Variants in CLMN observed in about 807,000 individuals in gnomAD.
The protein encoded by CLMN is calmin (calponin-like, transmembrane).
A neutral mutation model predicts 92.7 loss-of-function variants in CLMN; 57 were observed. That is an observed-to-expected ratio of 0.61 (90% CI 0.50 to 0.77). CLMN has a LOEUF of 0.77. Among genes scored for constraint, CLMN ranks in the 30% least tolerant of loss-of-function variants. The probability of loss-of-function intolerance (pLI) is 0.00; values close to 1 mark genes in which losing one functional copy is unlikely to be tolerated. For synonymous variants in CLMN, 466 were observed against 470.6 expected (o/e 0.99, Z 0.13); for missense variants, 1,158 against 1,237.5 (o/e 0.94, Z 0.96).
chr14:95,304,478 G>A (rs1389572069), intron 1 of CLMN, among the ~76,000 whole-genome samples: 8 of 152,132 alleles, frequency 5.3e-5, no homozygotes, highest in Non-Finnish European at 4.4e-5. Flanking sequence ...GGGTTAAAGT[G>A]CAGGGATGCA....
At chr14:95,269,501 A>G (rs1899621218) in intron 1 of CLMN, among the ~76,000 whole-genome samples, 1 of 152,238 alleles carries the variant, frequency 6.6e-6, no homozygotes, top group South Asian at 2.1e-4. Context: ...AGTCACAGCT[A>G]AAAGGGCTTT....
intron 1 of CLMN, among the ~76,000 whole-genome samples, chr14:95,299,988 A>G (rs903254679): frequency 1.3e-5 from 2 of 152,224 alleles, no homozygotes; most frequent in African/African-American, 4.8e-5. Context: ...TGACCTCATC[A>G]TTGTTTTTCT....
At chr14:95,318,524 T>C (rs1446440694) in intron 1 of CLMN, among the ~76,000 whole-genome samples, 1 of 152,028 alleles carries the variant, frequency 6.6e-6, no homozygotes, top group Non-Finnish European at 1.5e-5. Flanking sequence ...GGTGTAATGT[T>C]TAAACTTGAC....
intron 1 of CLMN, 58 bp from the exon 2 acceptor site, chr14:95,230,191 C>T: frequency 6.7e-7 from 1 of 1,484,318 alleles, no homozygotes. Flanking sequence ...AAAATCACAC[C>T]TTCCCCTTCC....
At position 95,191,685 on chromosome 14, in the gene CLMN, G is replaced by A. The variant is rs10149705; in HGVS notation, c.2888C>T (p.Pro963Leu). Residue 963 changes from proline to leucine, a missense_variant, in exon 13 of 13, where the codon CCG becomes CTG. Physicochemically the swap from Pro to Leu is moderately conservative, Grantham distance 98 (BLOSUM62 -3). Coordinates refer to ENST00000298912, the MANE Select transcript of CLMN (RefSeq NM_024734.4). The surrounding 1 kb of genome is among the most constrained non-coding windows in gnomAD (Gnocchi z 5.3). ...GEAMSLGSHSPQSDSLTQLVQ... is the reference protein window; with the variant it reads ...GEAMSLGSHSLQSDSLTQLVQ... Reference sequence around the variant, plus strand: ...AAGCTGTGTCAGGGAGTCACTCTGCGGGCTGTGGCTCCCCAGTGACATGGC... The same window carrying A: ...AAGCTGTGTCAGGGAGTCACTCTGCAGGCTGTGGCTCCCCAGTGACATGGC... 2,890 of 1,612,860 alleles carry A rather than the reference G, an allele frequency of 1.8e-3. 45 individuals carry two copies. The African/African-American group carries it at 0.034, about 19-fold the overall frequency.
At chr14:95,272,240 G>A (rs1053560713) in intron 1 of CLMN, among the ~76,000 whole-genome samples, 2 of 152,196 alleles carry the variant, frequency 1.3e-5, no homozygotes, top group African/African-American at 2.4e-5. Context: ...ACACTGAGCC[G>A]GAGGAGGAGC....
chr14:95,284,673 A>C (rs2140746969), intron 1 of CLMN, among the ~76,000 whole-genome samples: 1 of 151,878 alleles, frequency 6.6e-6, no homozygotes, highest in South Asian at 2.1e-4. Context: ...AGGCCCTGTA[A>C]CCCCTTTTTT....
intron 1 of CLMN, among the ~76,000 whole-genome samples, chr14:95,263,276 TA>T (rs1322794904): frequency 2.6e-5 from 4 of 152,158 alleles, no homozygotes; most frequent in Non-Finnish European, 5.9e-5. Flanking sequence ...AGACCCCTTA[TA>T]AAACCATCAG....
At chr14:95,317,326 T>C (rs1385888060) in intron 1 of CLMN, among the ~76,000 whole-genome samples, 2 of 152,142 alleles carry the variant, frequency 1.3e-5, no homozygotes, top group Non-Finnish European at 2.9e-5. Context: ...AGAAGACAGA[T>C]GCCTGCCCCC....
At chr14:95,279,988 T>C (rs1034437842) in intron 1 of CLMN, among the ~76,000 whole-genome samples, 5 of 151,522 alleles carry the variant, frequency 3.3e-5, no homozygotes, top group African/African-American at 1.2e-4. Flanking sequence ...TTTTTTTGCC[T>C]AGTATAAAGG....
chr14:95,186,421 C>T lies in CLMN; in HGVS notation c.*5143G>A, dbSNP rs1229831341. 6.6e-6 allele frequency: 1 copy of T among 152,192 alleles called. No homozygotes were observed. Among genetic ancestry groups the T allele is most frequent in the African/African-American group, 2.4e-5 (1 of 41,440 alleles). 9.4% of individuals were successfully genotyped at this position (152,192 alleles called of 1,614,324 possible). A position where few individuals can be genotyped will look rare whatever the true frequency, so the allele number is the denominator to read the frequency against. On this transcript the variant is annotated 3_prime_UTR_variant, in exon 13 of 13. Coordinates refer to ENST00000298912, the MANE Select transcript of CLMN (RefSeq NM_024734.4). ...CTTCTGAGCCTTGGTGGGAGAACAT[C>T]TCCCCACAAAGGTCAGGTCTGACCA...
At chr14:95,207,903 C>T (rs968620263) in intron 8 of CLMN, among the ~76,000 whole-genome samples, 2 of 152,210 alleles carry the variant, frequency 1.3e-5, no homozygotes, top group African/African-American at 4.8e-5. Context: ...AAACAAGAGC[C>T]TGAACTTTGG....
intron 1 of CLMN, among the ~76,000 whole-genome samples, chr14:95,297,811 GCACACACA>G (rs3219870): frequency 0.015 from 2,137 of 145,082 alleles, 42 homozygotes; most frequent in African/African-American, 0.038. Flanking sequence ...AATATGGCAG[GCACACACA>G]CACACACACA....
intron 1 of CLMN, among the ~76,000 whole-genome samples, chr14:95,289,142 C>T (rs1386736116): frequency 6.6e-6 from 1 of 152,178 alleles, no homozygotes; most frequent in African/African-American, 2.4e-5. Context: ...ACATCACATA[C>T]ACCTAAGGTT....
chr14:95,221,701 T>C lies in CLMN; in HGVS notation c.314A>G (p.Glu105Gly). ...GCTTCAAACACTTACATTGCTATCT[T>C]CCAAAAACTTAAGTGCTTTCGCTAT... ...NNIAKALKFL[E>G]DSNVKLVSID... Residue 105 changes from glutamate (E) to glycine (G), a missense_variant, in exon 4 of 13, where the codon GAA (glutamate) becomes GGA (glycine). By Grantham distance (98) the Glu-to-Gly change is moderately conservative (BLOSUM62 -2). Transcript: ENST00000298912. The C allele has an allele frequency of 6.2e-7, 1 of 1,613,782 alleles. No homozygotes were observed. Among genetic ancestry groups the C allele is most frequent in the South Asian group, 1.1e-5 (1 of 90,972 alleles).
chr14:95,318,232 G>T (rs1901881400), intron 1 of CLMN, among the ~76,000 whole-genome samples: 1 of 152,182 alleles, frequency 6.6e-6, no homozygotes, highest in African/African-American at 2.4e-5. Context: ...TCCAGCAGAA[G>T]ACACTAATGC....
intron 3 of CLMN, chr14:95,222,393 G>A (rs80150099): frequency 0.079 from 26,241 of 333,186 alleles, 1,284 homozygotes; most frequent in South Asian, 0.14. Context: ...TACCATCACA[G>A]CCAACTCACC....
At position 95,274,851 on chromosome 14, in the gene CLMN, C is replaced by T. The variant is rs539202741; in HGVS notation, c.83-44718G>A. ...AAAATTAGCTGGGCTTGGTGGCAGG[C>T]GCCTGTAGTCCTAGCTACTCAGGAG... On this transcript the variant is annotated intron_variant, in intron 1 of 12. Coordinates refer to ENST00000298912, the MANE Select transcript of CLMN (RefSeq NM_024734.4). Among the ~76,000 whole-genome samples the T allele has an allele frequency of 3.1e-3, 470 of 152,078 alleles. 2 individuals carry two copies. The highest frequency in any genetic ancestry group is 8.9e-3 in the African/African-American group (367 of 41,456).
chr14:95,232,752 G>A (rs1897929435), intron 1 of CLMN, among the ~76,000 whole-genome samples: 1 of 152,208 alleles, frequency 6.6e-6, no homozygotes. Flanking sequence ...CTCAGAGAGT[G>A]TCTGTCCCAA....
Sources: gnomAD v4.1 joint callset for allele counts (sites outside exome capture counted in the v4.1 genomes callset) on GRCh38, gnomAD v4.1.1 for gene constraint, Gnocchi (gnomAD v3.1) non-coding constraint, MANE v1.5 for transcripts, NCBI Gene and HGNC (gene_info 2026-07-23, HGNC 2026-07-21) for gene names.